IL1R1: variants seen among roughly 807,000 people sequenced by gnomAD.
The protein encoded by IL1R1 is interleukin-1 receptor type 1.
Under a neutral mutation model 50.2 loss-of-function variants are expected in IL1R1, and 22 were observed. The observed-to-expected ratio is 0.44, with a 90% CI of 0.31 to 0.63. The LOEUF (loss-of-function observed/expected upper bound fraction) is 0.63. IL1R1 is among the 20% of genes least tolerant of loss of function. IL1R1 has a pLI of 0.07. For missense variants in IL1R1, 509 were observed against 676.2 expected, an observed-to-expected ratio of 0.75 and a Z score of 2.74; for synonymous variants, 251 against 236.7, an observed-to-expected ratio of 1.06 and a Z score of -0.55.
intron 1 of IL1R1, among the ~76,000 whole-genome samples, chr2:102,087,883 A>G (rs1412073118): frequency 6.6e-6 from 1 of 152,250 alleles, no homozygotes; most frequent in Non-Finnish European, 1.5e-5. Context: ...ATCTTCACCA[A>G]GAGTGGATTC....
At chr2:102,146,827 C>T (rs919417424) in intron 1 of IL1R1, among the ~76,000 whole-genome samples, 37 of 152,192 alleles carry the variant, frequency 2.4e-4, no homozygotes, top group African/African-American at 4.8e-4. Context: ...TGTGTTGTTC[C>T]GGATGTCAAG....
At chr2:102,082,951 G>A (rs140062319) in intron 1 of IL1R1, among the ~76,000 whole-genome samples, 1 of 152,186 alleles carries the variant, frequency 6.6e-6, no homozygotes, top group African/African-American at 2.4e-5. Flanking sequence ...TCAAGGCTGA[G>A]GTTTGGACCT....
chr2:102,123,813 AATAAT>A (rs1288711415), intron 1 of IL1R1, among the ~76,000 whole-genome samples: 1 of 120,720 alleles, frequency 8.3e-6, no homozygotes, highest in Non-Finnish European at 1.8e-5. Context: ...AATAAAATAA[AATAAT>A]GTAACATGAA....
At position 102,164,109 on chromosome 2, in the gene IL1R1, G is replaced by A. The variant is rs574249434; in HGVS notation, c.62-665G>A. Among the ~76,000 whole-genome samples, 3 of 152,032 alleles carry A rather than the reference G, an allele frequency of 2.0e-5. No homozygotes were observed. In the South Asian group the frequency reaches 6.2e-4, roughly 32 times the overall value. ...TTTGGTAGTCCTCCCTCTAGCCTTGGGTCATTTTCTTATATGCTTACACTG... is the reference window on the plus strand; with the variant it reads ...TTTGGTAGTCCTCCCTCTAGCCTTGAGTCATTTTCTTATATGCTTACACTG... On this transcript the variant is annotated intron_variant, in intron 3 of 11. Coordinates refer to ENST00000410023, the MANE Select transcript of IL1R1 (RefSeq NM_000877.4).
chr2:102,110,459 A>C (rs1262994789), intron 1 of IL1R1, among the ~76,000 whole-genome samples: 1 of 130,040 alleles, frequency 7.7e-6, no homozygotes, highest in African/African-American at 3.0e-5. Flanking sequence ...CATACCAATT[A>C]ACACCCCTAC....
At chr2:102,073,195 C>G (rs1031332783) in intron 1 of IL1R1, among the ~76,000 whole-genome samples, 2 of 152,132 alleles carry the variant, frequency 1.3e-5, no homozygotes, top group African/African-American at 4.8e-5. Flanking sequence ...TTATTCATTC[C>G]ACAGCTATTT....
rs1215600952 is a variant in IL1R1 at position 102,108,267 on chromosome 2, C to G, written c.-84+3395C>G. On this transcript the variant is annotated intron_variant, in intron 1 of 10. Coordinates refer to the IL1R1 transcript ENST00000409329. The stretch of plus-strand genomic sequence containing the variant: ...GGGGGGGGGTGTGTATAACATATTT[C>G]TATGCTTCTTGGTTCTTAGATTCAG... 4.6e-5 allele frequency among the ~76,000 whole-genome samples: 7 copies of G among 151,304 alleles called. 1 individual carries two copies. The South Asian group carries it at 8.3e-4, about 18-fold the overall frequency.
intron 1 of IL1R1, among the ~76,000 whole-genome samples, chr2:102,072,119 G>A (rs1015818801): frequency 6.6e-6 from 1 of 151,730 alleles, no homozygotes; most frequent in Non-Finnish European, 1.5e-5. Flanking sequence ...AATTAGCTGG[G>A]CATGGTGGCC....
chr2:102,121,248 C>T (rs1419687880), intron 1 of IL1R1, among the ~76,000 whole-genome samples: 1 of 152,182 alleles, frequency 6.6e-6, no homozygotes, highest in East Asian at 1.9e-4. Flanking sequence ...GATGTCCGCC[C>T]CCCAACCCCC....
In IL1R1 at chr2:102,178,342, C is replaced by T. The variant is rs2104668191; in HGVS notation, c.*1583C>T. On this transcript the variant is annotated 3_prime_UTR_variant, in exon 12 of 12. Transcript: ENST00000410023. Reference sequence around the variant, plus strand: ...GAGGCTGTGGTGGCTGTCTCTGTCCCTCACTGCCTTCCAGGAGCAATTTGC... The same window carrying T: ...GAGGCTGTGGTGGCTGTCTCTGTCCTTCACTGCCTTCCAGGAGCAATTTGC... 6.6e-6 allele frequency: 1 copy of T among 152,422 alleles called. No individual in the cohort carries two copies. The highest frequency in any genetic ancestry group is 1.5e-5 in the Non-Finnish European group (1 of 68,028). 9.4% of individuals were successfully genotyped at this position (152,422 alleles called of 1,614,324 possible).
At chr2:102,104,950 A>T (rs892941706) in intron 1 of IL1R1, 2 of 152,068 alleles carry the variant, frequency 1.3e-5, no homozygotes, top group African/African-American at 2.4e-5. Context: ...CTTACACATT[A>T]ATGAGGTATT....
chr2:102,163,587 C>G (rs1480596157), intron 3 of IL1R1, among the ~76,000 whole-genome samples: 1 of 152,082 alleles, frequency 6.6e-6, no homozygotes, highest in Non-Finnish European at 1.5e-5. Flanking sequence ...CTTCACTAAT[C>G]ATGTTTGATC....
intron 1 of IL1R1, among the ~76,000 whole-genome samples, chr2:102,135,404 A>G (rs565088432): frequency 3.9e-5 from 6 of 152,202 alleles, no homozygotes; most frequent in East Asian, 3.8e-4. Context: ...ATGCATTCCT[A>G]TCTCTGAAGC....
chr2:102,074,659 G>A (rs1678885044), intron 1 of IL1R1, among the ~76,000 whole-genome samples: 1 of 152,098 alleles, frequency 6.6e-6, no homozygotes, highest in Non-Finnish European at 1.5e-5. Context: ...GAATTTGCAG[G>A]CCGTTTAAAT....
intron 1 of IL1R1, among the ~76,000 whole-genome samples, chr2:102,126,563 ATTGAGGTCTGGTGAGATGT>A (rs1398173602): frequency 6.6e-6 from 1 of 151,312 alleles, no homozygotes; most frequent in Non-Finnish European, 1.5e-5. Context: ...TTTTATCTCC[ATTGAGGTCTGGTGAGATGT>A]TTGAAAGGTT....
upstream of IL1R1, among the ~76,000 whole-genome samples, chr2:102,099,641 G>A (rs1680055722): frequency 6.6e-6 from 1 of 152,116 alleles, no homozygotes; most frequent in Non-Finnish European, 1.5e-5. Context: ...GTGTCTGAGG[G>A]CATTCTCCAG....
At chr2:102,170,450 A>G (rs1253733260) in intron 7 of IL1R1, among the ~76,000 whole-genome samples, 1 of 152,214 alleles carries the variant, frequency 6.6e-6, no homozygotes, top group African/African-American at 2.4e-5. Flanking sequence ...ACCACAAGGG[A>G]AAAAAGACAT....
chr2:102,087,646 G>A (rs1679485281), intron 1 of IL1R1, among the ~76,000 whole-genome samples: 1 of 152,212 alleles, frequency 6.6e-6, no homozygotes, highest in Non-Finnish European at 1.5e-5. Flanking sequence ...TAAAGGTGTG[G>A]CATGTTCCCC....
intron 1 of IL1R1, among the ~76,000 whole-genome samples, chr2:102,121,315 C>T (rs887637320): frequency 3.9e-5 from 6 of 152,364 alleles, no homozygotes; most frequent in African/African-American, 2.4e-5. Context: ...TTCTATCCCC[C>T]TCCTCGGTGC....
Sources: allele counts gnomAD v4.1 joint callset (sites outside exome capture counted in the v4.1 genomes callset), GRCh38; gene constraint gnomAD v4.1.1; transcripts MANE v1.5; gene names NCBI Gene and HGNC (gene_info 2026-07-23, HGNC 2026-07-21).